Variants in SAE1 observed in about 807,000 individuals in gnomAD.
SAE1 encodes SUMO-activating enzyme subunit 1.
In SAE1, 11 loss-of-function variants were observed where a neutral mutation model predicts 40.6. The observed-to-expected ratio is 0.27, with a 90% CI of 0.17 to 0.45. The LOEUF (loss-of-function observed/expected upper bound fraction) is 0.45. SAE1 is among the 20% of genes least tolerant of loss of function. SAE1 has a pLI of 1.00. For synonymous variants in SAE1, 155 were observed against 154.3 expected (o/e 1.00, Z -0.03); for missense variants, 373 against 427.3 (o/e 0.87, Z 1.12).
At chr19:47,153,563 T>G (rs560334026) in intron 4 of SAE1, among the ~76,000 whole-genome samples, 19 of 152,224 alleles carry the variant, frequency 1.2e-4, no homozygotes, top group African/African-American at 4.6e-4. Flanking sequence ...CCCTCCAACT[T>G]GCTAATTGAG....
rs1025718253 is a variant in SAE1 at position 47,210,261 on chromosome 19, AG to A, written c.*1011del. ...GGATGATCCTACCAGTTGCCTTTTCAGACCTGAGGCTCTAACTCAAGAGATT... is the reference window on the plus strand; with the variant it reads ...GGATGATCCTACCAGTTGCCTTTTCAACCTGAGGCTCTAACTCAAGAGATT... On this transcript the variant is annotated 3_prime_UTR_variant, in exon 9 of 9. Transcript: ENST00000270225. 6.6e-6 allele frequency: 1 copy of A among 152,192 alleles called. No individual in the cohort carries two copies. Among genetic ancestry groups the A allele is most frequent in the Non-Finnish European group, 1.5e-5 (1 of 68,042 alleles). 9.4% of individuals were successfully genotyped at this position (152,192 alleles called of 1,614,324 possible).
intron 7 of SAE1, among the ~76,000 whole-genome samples, chr19:47,202,076 G>T (rs1290230843): frequency 6.6e-6 from 1 of 152,068 alleles, no homozygotes; most frequent in Non-Finnish European, 1.5e-5. Context: ...TCTTGGGATT[G>T]GAATGGATAC....
At chr19:47,163,264 A>AT (rs2058370163) in intron 5 of SAE1, among the ~76,000 whole-genome samples, 1 of 151,510 alleles carries the variant, frequency 6.6e-6, no homozygotes, top group Non-Finnish European at 1.5e-5. Flanking sequence ...AAAAAAAAAA[A>AT]GAAAATTGAA....
intron 6 of SAE1, among the ~76,000 whole-genome samples, chr19:47,176,433 T>G (rs1030953876): frequency 4.1e-4 from 62 of 152,244 alleles, no homozygotes; most frequent in African/African-American, 1.4e-3. Flanking sequence ...AACCTGATTT[T>G]GTTTCACTAT....
intron 5 of SAE1, among the ~76,000 whole-genome samples, chr19:47,158,348 G>C (rs1333704627): frequency 2.6e-5 from 4 of 152,182 alleles, no homozygotes; most frequent in Admixed American, 1.3e-4. Flanking sequence ...AAAATGCCTA[G>C]CCCAGAAATA....
At position 47,149,852 on chromosome 19, in the gene SAE1, C is replaced by T. The variant is rs558986618; in HGVS notation, c.211-350C>T. ...CAGCACTTTGGGAGGCTGAGGCAGG[C>T]GGATCACGAGGTCAAGAGATTGAGA... On this transcript the variant is annotated intron_variant, in intron 2 of 8. Transcript: ENST00000270225. Among the ~76,000 whole-genome samples the T allele has an allele frequency of 4.6e-5, 7 of 151,844 alleles. No individual in the cohort carries two copies. In the East Asian group the frequency reaches 1.4e-3, roughly 29 times the overall value.
At chr19:47,175,433 A>G (rs751777120) in intron 6 of SAE1, among the ~76,000 whole-genome samples, 2 of 152,126 alleles carry the variant, frequency 1.3e-5, no homozygotes, top group African/African-American at 2.4e-5. Flanking sequence ...TTAGTTTTCA[A>G]CATATTTAAG....
At chr19:47,162,822 T>A (rs1433223285) in intron 5 of SAE1, among the ~76,000 whole-genome samples, 2 of 151,960 alleles carry the variant, frequency 1.3e-5, no homozygotes, top group African/African-American at 4.8e-5. Flanking sequence ...TAAAACCCCT[T>A]CTCTACCAAA....
chr19:47,189,094 A>G (rs569535939), intron 6 of SAE1, among the ~76,000 whole-genome samples: 7 of 152,332 alleles, frequency 4.6e-5, no homozygotes, highest in Admixed American at 3.3e-4. Context: ...GTGTATATTT[A>G]TTGAATGAAC....
At chr19:47,136,229 C>T (rs71353950) in intron 1 of SAE1, among the ~76,000 whole-genome samples, 5 of 151,948 alleles carry the variant, frequency 3.3e-5, no homozygotes, top group African/African-American at 9.7e-5. Context: ...ATCTCCACCT[C>T]CCAGGTTCAA....
At chr19:47,172,808 C>T (rs16980852) in intron 6 of SAE1, among the ~76,000 whole-genome samples, 4,608 of 151,952 alleles carry the variant, frequency 0.03, 98 homozygotes, top group Non-Finnish European at 0.048. Context: ...CATATCTTCA[C>T]GGATGACAGA....
At chr19:47,189,573 C>CA (rs757452746) in intron 6 of SAE1, among the ~76,000 whole-genome samples, 10 of 151,590 alleles carry the variant, frequency 6.6e-5, no homozygotes, top group South Asian at 2.1e-4. Flanking sequence ...AACGAACAAA[C>CA]AAAAAAAACA....
At chr19:47,181,970 G>A (rs914292621) in intron 6 of SAE1, among the ~76,000 whole-genome samples, 3 of 151,540 alleles carry the variant, frequency 2.0e-5, no homozygotes, top group African/African-American at 7.3e-5. Context: ...TAATTTTATT[G>A]TAGAGAGGCC....
In SAE1 at chr19:47,150,827, C is replaced by T. The variant is rs561761205; in HGVS notation, c.384+452C>T. On this transcript the variant is annotated intron_variant, in intron 3 of 8. Coordinates refer to ENST00000270225, the MANE Select transcript of SAE1 (RefSeq NM_005500.3). ...TTGTCTTAAGAAAAGCACACCTGAT[C>T]TTGATCTATGTCTGTCTGTCTGTTT... 7.9e-5 allele frequency among the ~76,000 whole-genome samples: 12 copies of T among 152,316 alleles called. No individual in the cohort carries two copies. In the South Asian group the frequency reaches 1.7e-3, roughly 21 times the overall value.
rs1489051594 is a variant in SAE1 at position 47,201,384 on chromosome 19, TTTTTTGA to T, written c.879-2286_879-2280del. ...CCTTTTTTTTTTTTTTTTTTTTTTT[TTTTTTGA>T]ATCAGAGTCTTGCTGTGTCACCCAG... On this transcript the variant is annotated intron_variant, in intron 7 of 8. Coordinates refer to ENST00000270225, the MANE Select transcript of SAE1 (RefSeq NM_005500.3). 7.9e-5 allele frequency among the ~76,000 whole-genome samples: 10 copies of T among 126,484 alleles called. No individual in the cohort carries two copies. The South Asian group carries it at 1.6e-3, about 20-fold the overall frequency. The allele number at this position is 126,484 out of a possible 152,430, so 83.0% of individuals were successfully genotyped here.
chr19:47,185,874 T>G (rs2058540823), intron 6 of SAE1, among the ~76,000 whole-genome samples: 1 of 149,616 alleles, frequency 6.7e-6, no homozygotes, highest in South Asian at 2.2e-4. Context: ...AGTGCTGGGA[T>G]TACAGGCATG....
At chr19:47,150,685 A>G (rs537599832) in intron 3 of SAE1, among the ~76,000 whole-genome samples, 1 of 152,302 alleles carries the variant, frequency 6.6e-6, no homozygotes, top group Non-Finnish European at 1.5e-5. Flanking sequence ...GAATCTTTGC[A>G]CATAACTTTA....
At chr19:47,191,827 G>A (rs550641651) in intron 6 of SAE1, among the ~76,000 whole-genome samples, 20 of 152,044 alleles carry the variant, frequency 1.3e-4, no homozygotes, top group South Asian at 6.2e-4. Context: ...AGGCCAAGGC[G>A]GGCCGATCAC....
At chr19:47,146,623 G>A (rs2058256703) in intron 2 of SAE1, among the ~76,000 whole-genome samples, 1 of 152,130 alleles carries the variant, frequency 6.6e-6, no homozygotes, top group Admixed American at 6.5e-5. Context: ...TGAGATCAAG[G>A]ACCCATTACC....
Sources: allele counts gnomAD v4.1 joint callset (sites outside exome capture counted in the v4.1 genomes callset), GRCh38; gene constraint gnomAD v4.1.1; transcripts MANE v1.5; gene names NCBI Gene and HGNC (gene_info 2026-07-23, HGNC 2026-07-21).